Variants in MAN1A1 observed in about 807,000 individuals in gnomAD.
The protein encoded by MAN1A1 is mannosidase alpha class 1A member 1.
A neutral mutation model predicts 70.8 loss-of-function variants in MAN1A1; 29 were observed. The observed-to-expected ratio is 0.41, with a 90% CI of 0.31 to 0.56. MAN1A1 has a LOEUF of 0.56. Ranked by LOEUF, MAN1A1 falls within the 20% of genes least tolerant of loss-of-function variation. MAN1A1 has a pLI of 0.29. For missense variants in MAN1A1, 747 were observed against 841.3 expected (o/e 0.89, Z 1.39); for synonymous variants, 349 against 330.1 (o/e 1.06, Z -0.62).
At chr6:119,231,065 C>A (rs747021638) in intron 6 of MAN1A1, among the ~76,000 whole-genome samples, 44 of 152,084 alleles carry the variant, frequency 2.9e-4, no homozygotes, top group Non-Finnish European at 4.9e-4. Flanking sequence ...TTCAAAGGGG[C>A]TACATGTGGA....
intron 6 of MAN1A1, 55 bp downstream of exon 6, chr6:119,248,205 C>G (rs1333876507): frequency 1.7e-6 from 2 of 1,191,358 alleles, no homozygotes; most frequent in Non-Finnish European, 2.5e-6. Context: ...ACTTATTAGG[C>G]AACAATCTGG....
intron 4 of MAN1A1, among the ~76,000 whole-genome samples, chr6:119,291,978 A>T (rs1772044456): frequency 6.6e-6 from 1 of 152,020 alleles, no homozygotes; most frequent in African/African-American, 2.4e-5. Context: ...TGAGACTTAT[A>T]GTGGTTAATG....
Position 119,193,814 on chromosome 6 carries a change from T to C in MAN1A1, c.1289A>G (p.Asp430Gly). ...LKAWLMSDKT[D>G]LEAKKMYFDA... ...AAAATACATCTTCTTAGCTTCCAGATCTGTCTTGTCAGACATTAACCAGGC... is the reference window on the plus strand; with the variant it reads ...AAAATACATCTTCTTAGCTTCCAGACCTGTCTTGTCAGACATTAACCAGGC... The change falls in exon 9 of 13, where the codon GAT (aspartate) becomes GGT (glycine). Residue 430 changes from aspartate (D) to glycine (G), a missense_variant. Coordinates refer to ENST00000368468, the MANE Select transcript of MAN1A1 (RefSeq NM_005907.4). 1 of 1,613,730 alleles carries C rather than the reference T, an allele frequency of 6.2e-7. No individual in the cohort carries two copies.
intron 5 of MAN1A1, among the ~76,000 whole-genome samples, chr6:119,262,113 A>C (rs1775629297): frequency 6.6e-6 from 1 of 152,202 alleles, no homozygotes; most frequent in East Asian, 1.9e-4. Context: ...CTGTCTATAA[A>C]ACCCACAGAA....
chr6:119,226,683 T>C (rs558630288), intron 6 of MAN1A1, among the ~76,000 whole-genome samples: 1 of 152,308 alleles, frequency 6.6e-6, no homozygotes, highest in East Asian at 1.9e-4. Flanking sequence ...TTTTATTTTT[T>C]AATTTGAGAC....
At chr6:119,219,206 T>G (rs1774289994) in intron 6 of MAN1A1, among the ~76,000 whole-genome samples, 1 of 151,232 alleles carries the variant, frequency 6.6e-6, no homozygotes. Flanking sequence ...TTTATAGAGA[T>G]TTAGTGTTTT....
Position 119,308,521 on chromosome 6 carries a change from T to C in MAN1A1, c.604-1529A>G, listed in dbSNP as rs75667849. On this transcript the variant is annotated intron_variant, in intron 2 of 12. Transcript: ENST00000368468. ...GTTTTTGTGACTCTTATCTGAAAAT[T>C]TGGGATAATTCCTTACAGGATGCAT... Among the ~76,000 whole-genome samples, 898 of 152,220 alleles carry C rather than the reference T, an allele frequency of 5.9e-3. 30 individuals are homozygous for C. In the East Asian group the frequency reaches 0.089, roughly 15 times the overall value.
At chr6:119,197,795 G>GT (rs1181823358) in intron 8 of MAN1A1, among the ~76,000 whole-genome samples, 2 of 150,786 alleles carry the variant, frequency 1.3e-5, no homozygotes, top group African/African-American at 4.9e-5. Context: ...ATCCTGTTTT[G>GT]TTTTTTGTTT....
At chr6:119,219,894 T>C (rs1043486434) in intron 6 of MAN1A1, among the ~76,000 whole-genome samples, 41 of 151,612 alleles carry the variant, frequency 2.7e-4, no homozygotes, top group African/African-American at 9.9e-4. Flanking sequence ...TGACACATTA[T>C]ACAACTTAGT....
intron 2 of MAN1A1, among the ~76,000 whole-genome samples, chr6:119,345,844 C>T (rs961285796): frequency 1.3e-5 from 2 of 152,186 alleles, no homozygotes; most frequent in Non-Finnish European, 2.9e-5. Flanking sequence ...CATGGTGGCT[C>T]ATACCTGTAA....
rs145854520 is a variant in MAN1A1, at chr6:119,346,190, T to C, written c.603+2273A>G. 3.7e-4 allele frequency among the ~76,000 whole-genome samples: 56 copies of C among 152,280 alleles called. No homozygotes were observed. The East Asian group carries it at 9.1e-3, about 25-fold the overall frequency. On this transcript the variant is annotated intron_variant, in intron 2 of 12. Coordinates refer to ENST00000368468, the MANE Select transcript of MAN1A1 (RefSeq NM_005907.4). ...GTTGATAACAAAATGTCCACAGTGG[T>C]GCCTGAAACTGAATCCAAATACGTA...
intron 6 of MAN1A1, among the ~76,000 whole-genome samples, chr6:119,222,454 G>A (rs1774392186): frequency 2.0e-5 from 3 of 151,000 alleles, no homozygotes; most frequent in Non-Finnish European, 2.9e-5. Flanking sequence ...AGCCTCCCAA[G>A]TAGCTGGGAC....
intron 5 of MAN1A1, among the ~76,000 whole-genome samples, chr6:119,289,539 G>C (rs1327369932): frequency 6.7e-6 from 1 of 150,314 alleles, no homozygotes; most frequent in Non-Finnish European, 1.5e-5. Flanking sequence ...CAGAAAAAAG[G>C]GAGGAAGAGG....
At position 119,285,988 on chromosome 6, in the gene MAN1A1, T is replaced by C. The variant is rs115385254; in HGVS notation, c.897+4695A>G. Among the ~76,000 whole-genome samples the C allele has an allele frequency of 6.1e-3, 925 of 152,322 alleles. 6 individuals carry two copies. Among genetic ancestry groups the C allele is most frequent in the African/African-American group, 0.021 (875 of 41,586 alleles). On this transcript the variant is annotated intron_variant, in intron 5 of 12. Transcript: ENST00000368468. Reference sequence around the variant, plus strand: ...TAGGAAACCGGAAGATACATTTCCATCCAAAGCCCAGATGATTTACAAACT... The same window carrying C: ...TAGGAAACCGGAAGATACATTTCCACCCAAAGCCCAGATGATTTACAAACT...
intron 5 of MAN1A1, among the ~76,000 whole-genome samples, chr6:119,275,635 T>C (rs1776040657): frequency 6.6e-6 from 1 of 151,792 alleles, no homozygotes; most frequent in South Asian, 2.1e-4. Context: ...AGAGACGGGG[T>C]TTCACCATGT....
chr6:119,250,646 C>CTGTG (rs758137917), intron 5 of MAN1A1, among the ~76,000 whole-genome samples: 4,461 of 103,670 alleles, frequency 0.043, 91 homozygotes, highest in Non-Finnish European at 0.063. Flanking sequence ...CTTGTTCTCT[C>CTGTG]TCTGTGTGTG....
In MAN1A1 at chr6:119,178,440, A is replaced by T. The variant is rs1436509540; in HGVS notation, c.*1379T>A. 2 of 152,106 alleles carry T rather than the reference A, an allele frequency of 1.3e-5. No individual in the cohort carries two copies. The highest frequency in any genetic ancestry group is 2.9e-5 in the Non-Finnish European group (2 of 67,952). 9.4% of individuals were successfully genotyped at this position (152,106 alleles called of 1,614,324 possible). On this transcript the variant is annotated 3_prime_UTR_variant, in exon 13 of 13. Coordinates refer to ENST00000368468, the MANE Select transcript of MAN1A1 (RefSeq NM_005907.4). ...CCTTGCCCTTCAGTATATGCATCGT[A>T]TTAGCCCTTTCATGGAAGTATATCT...
intron 5 of MAN1A1, among the ~76,000 whole-genome samples, chr6:119,278,861 C>T (rs974632720): frequency 3.3e-5 from 5 of 152,142 alleles, no homozygotes; most frequent in Non-Finnish European, 7.3e-5. Flanking sequence ...GCCTGCTCCC[C>T]CACTGCCTTC....
chr6:119,181,122 T>C (rs879679484), intron 11 of MAN1A1, among the ~76,000 whole-genome samples: 3 of 152,226 alleles, frequency 2.0e-5, no homozygotes, highest in Non-Finnish European at 2.9e-5. Context: ...TGTTTAAATA[T>C]TGTCTGTGGC....
Sources: gnomAD v4.1 joint callset for allele counts (sites outside exome capture counted in the v4.1 genomes callset) on GRCh38, gnomAD v4.1.1 for gene constraint, MANE v1.5 for transcripts, NCBI Gene and HGNC (gene_info 2026-07-23, HGNC 2026-07-21) for gene names.